The following KCNH7 variants were observed in gnomAD, a reference collection of about 807,000 sequenced individuals.
KCNH7 encodes voltage-gated inwardly rectifying potassium channel KCNH7.
KCNH7 carries 49 observed loss-of-function variants against 120.8 expected under a neutral mutation model. That is an observed-to-expected ratio of 0.41 (90% CI 0.32 to 0.51). KCNH7 has a LOEUF of 0.51. Ranked by LOEUF, KCNH7 falls within the 20% of genes least tolerant of loss-of-function variation. KCNH7 has a pLI of 0.38. For synonymous variants in KCNH7, 547 were observed against 516.1 expected (o/e 1.06, Z -0.81); for missense variants, 1,097 against 1,446.6 (o/e 0.76, Z 3.92).
chr2:162,411,571 A>G (rs1687393101), intron 9 of KCNH7, among the ~76,000 whole-genome samples: 4 of 152,024 alleles, frequency 2.6e-5, no homozygotes, highest in Admixed American at 2.6e-4. Flanking sequence ...TACCTATGTA[A>G]CAAACCTGCA....
chr2:162,832,427 A>T (rs936697277), intron 2 of KCNH7, among the ~76,000 whole-genome samples: 3 of 152,168 alleles, frequency 2.0e-5, no homozygotes, highest in Non-Finnish European at 4.4e-5. Context: ...TTATGTATAC[A>T]TGACAATGGT....
intron 2 of KCNH7, among the ~76,000 whole-genome samples, chr2:162,766,864 TACACACAC>T (rs200638624): frequency 0.11 from 15,025 of 141,494 alleles, 979 homozygotes; most frequent in African/African-American, 0.19. Flanking sequence ...CTAAGCACAT[TACACACAC>T]ACACACACAC....
At chr2:162,506,472 A>G (rs1024557867) in intron 5 of KCNH7, among the ~76,000 whole-genome samples, 3 of 151,772 alleles carry the variant, frequency 2.0e-5, no homozygotes, top group Non-Finnish European at 2.9e-5. Flanking sequence ...TTTCTTAGAT[A>G]TTGTCTTTTC....
intron 2 of KCNH7, among the ~76,000 whole-genome samples, chr2:162,775,190 A>T (rs1559127775): frequency 1.3e-5 from 2 of 152,290 alleles, no homozygotes; most frequent in South Asian, 2.1e-4. Flanking sequence ...AAAAAAATGA[A>T]CTAGTTTAGT....
intron 2 of KCNH7, among the ~76,000 whole-genome samples, chr2:162,566,997 T>C (rs1002809359): frequency 2.0e-5 from 3 of 151,980 alleles, no homozygotes; most frequent in African/African-American, 7.2e-5. Flanking sequence ...AATTTTTCAC[T>C]GAAGAAAGGC....
chr2:162,644,773 T>C (rs1305245848), intron 2 of KCNH7, among the ~76,000 whole-genome samples: 1 of 152,176 alleles, frequency 6.6e-6, no homozygotes, highest in Non-Finnish European at 1.5e-5. Context: ...CCTATTTTTT[T>C]CCTTAATTAT....
chr2:162,438,641 T>C (rs1242119615), intron 7 of KCNH7, among the ~76,000 whole-genome samples: 1 of 152,158 alleles, frequency 6.6e-6, no homozygotes. Context: ...TATTCTCTTG[T>C]AATTCTGTAA....
At chr2:162,376,633 A>T (rs1686201233) in intron 14 of KCNH7, among the ~76,000 whole-genome samples, 1 of 152,064 alleles carries the variant, frequency 6.6e-6, no homozygotes. Context: ...AAGTGCTGGG[A>T]TTACAGGTGT....
At chr2:162,796,318 A>C (rs978136671) in intron 2 of KCNH7, 18 of 152,030 alleles carry the variant, frequency 1.2e-4, no homozygotes, top group African/African-American at 3.9e-4. Context: ...GTAAGGGATC[A>C]GGACGAAACC....
chr2:162,464,023 C>T (rs1047497110), intron 6 of KCNH7, among the ~76,000 whole-genome samples: 5 of 151,964 alleles, frequency 3.3e-5, no homozygotes, highest in Non-Finnish European at 7.4e-5. Context: ...GCCAGAAGTA[C>T]TAATGATAAT....
chr2:162,826,638 G>A (rs1359557184), intron 2 of KCNH7, among the ~76,000 whole-genome samples: 1 of 152,138 alleles, frequency 6.6e-6, no homozygotes. Flanking sequence ...GATGGTGAAT[G>A]CATGAATGAA....
intron 2 of KCNH7, among the ~76,000 whole-genome samples, chr2:162,734,592 T>C (rs538780144): frequency 2.6e-5 from 4 of 152,230 alleles, no homozygotes; most frequent in African/African-American, 9.6e-5. Flanking sequence ...CCCAGAAAGA[T>C]AGTGTGGCAC....
At chr2:162,815,019 G>A (rs1178607559) in intron 2 of KCNH7, among the ~76,000 whole-genome samples, 1 of 151,858 alleles carries the variant, frequency 6.6e-6, no homozygotes, top group East Asian at 1.9e-4. Flanking sequence ...TTCTGCCTCT[G>A]CATTTGTCTG....
intron 2 of KCNH7, among the ~76,000 whole-genome samples, chr2:162,819,601 G>C (rs938950750): frequency 6.6e-6 from 1 of 152,102 alleles, no homozygotes; most frequent in African/African-American, 2.4e-5. Context: ...CTGTAATTTA[G>C]GAAGAACCAT....
chr2:162,586,419 G>A (rs1425100980), intron 2 of KCNH7, among the ~76,000 whole-genome samples: 1 of 151,996 alleles, frequency 6.6e-6, no homozygotes, highest in African/African-American at 2.4e-5. Context: ...GCCATCCCAG[G>A]TGAGCCCTCA....
chr2:162,759,280 C>A (rs1165573478), intron 2 of KCNH7, among the ~76,000 whole-genome samples: 1 of 152,068 alleles, frequency 6.6e-6, no homozygotes, highest in Non-Finnish European at 1.5e-5. Flanking sequence ...TGGTAGAGAC[C>A]TGCAACCTTG....
At chr2:162,640,871 T>C (rs1329946581) in intron 2 of KCNH7, among the ~76,000 whole-genome samples, 1 of 151,954 alleles carries the variant, frequency 6.6e-6, no homozygotes, top group African/African-American at 2.4e-5. Context: ...TAGATAAAAG[T>C]CATGAAGAGA....
intron 2 of KCNH7, among the ~76,000 whole-genome samples, chr2:162,680,462 C>A (rs16847103): frequency 6.6e-6 from 1 of 151,356 alleles, no homozygotes; most frequent in African/African-American, 2.4e-5. Context: ...TTGTTTTTCC[C>A]GTAGCAATAG....
At chr2:162,582,895 TAGAAAGTAAAATC>T (rs1452614472) in intron 2 of KCNH7, among the ~76,000 whole-genome samples, 1 of 152,100 alleles carries the variant, frequency 6.6e-6, no homozygotes, top group Non-Finnish European at 1.5e-5. Flanking sequence ...CACCTGTATC[TAGAAAGTAAAATC>T]AGAAACAAAT....
Sources: gnomAD v4.1 joint callset for allele counts (sites outside exome capture counted in the v4.1 genomes callset) on GRCh38, gnomAD v4.1.1 for gene constraint, MANE v1.5 for transcripts, NCBI Gene and HGNC (gene_info 2026-07-23, HGNC 2026-07-21) for gene names.